The following NRXN1 variants were observed in gnomAD, a reference collection of about 807,000 sequenced individuals.
NRXN1 encodes neurexin 1.
Under a neutral mutation model 150.9 loss-of-function variants are expected in NRXN1, and 39 were observed. That is an observed-to-expected ratio of 0.26 (90% CI 0.20 to 0.34). NRXN1 has a LOEUF of 0.34. NRXN1 is among the 10% of genes least tolerant of loss of function. NRXN1 has a pLI of 1.00. For synonymous variants in NRXN1, 924 were observed against 757.0 expected (o/e 1.22, Z -3.62); for missense variants, 1,815 against 1,949.9 (o/e 0.93, Z 1.30).
At chr2:50,034,942 G>A (rs1044149233) in intron 21 of NRXN1, among the ~76,000 whole-genome samples, 1 of 151,986 alleles carries the variant, frequency 6.6e-6, no homozygotes, top group African/African-American at 2.4e-5. Flanking sequence ...TTCAAAACTT[G>A]AATTTATTAT....
At chr2:50,348,031 C>T (rs1405084031) in intron 17 of NRXN1, among the ~76,000 whole-genome samples, 1 of 152,180 alleles carries the variant, frequency 6.6e-6, no homozygotes, top group Admixed American at 6.5e-5. Context: ...GCAAATGGCA[C>T]CCTTCCCCTA....
At chr2:50,998,209 C>T (rs1699574484) in intron 2 of NRXN1, among the ~76,000 whole-genome samples, 1 of 141,244 alleles carries the variant, frequency 7.1e-6, no homozygotes. Flanking sequence ...CCCAAAACTT[C>T]AATAAGTTTA....
chr2:50,419,638 G>A (rs2083815102), intron 17 of NRXN1, among the ~76,000 whole-genome samples: 1 of 151,892 alleles, frequency 6.6e-6, no homozygotes, highest in Non-Finnish European at 1.5e-5. Flanking sequence ...CGGAGATAAA[G>A]AAAGTAGGCA....
At chr2:50,268,041 TC>T (rs2069108774) in intron 17 of NRXN1, among the ~76,000 whole-genome samples, 1 of 151,882 alleles carries the variant, frequency 6.6e-6, no homozygotes, top group Non-Finnish European at 1.5e-5. Context: ...ATACAAAAAA[TC>T]AGCTGGGTGT....
intron 17 of NRXN1, among the ~76,000 whole-genome samples, chr2:50,461,830 T>C (rs565192490): frequency 1.3e-5 from 2 of 152,080 alleles, no homozygotes; most frequent in Admixed American, 6.6e-5. Flanking sequence ...AAGGAAATTA[T>C]ATTTCTTCAA....
chr2:50,203,727 G>C (rs1456269649), intron 18 of NRXN1, among the ~76,000 whole-genome samples: 2 of 152,064 alleles, frequency 1.3e-5, no homozygotes, highest in African/African-American at 4.8e-5. Context: ...CCTATTATTT[G>C]TGTTATATTA....
At chr2:50,513,317 A>G (rs545557434) in intron 12 of NRXN1, among the ~76,000 whole-genome samples, 44 of 152,288 alleles carry the variant, frequency 2.9e-4, no homozygotes, top group Admixed American at 2.1e-3. Context: ...ACTATACACT[A>G]TATAAAAATG....
intron 20 of NRXN1, among the ~76,000 whole-genome samples, chr2:50,054,376 C>T (rs1693273547): frequency 6.6e-6 from 1 of 152,110 alleles, no homozygotes; most frequent in African/African-American, 2.4e-5. Context: ...AATTGAGTAT[C>T]CAGTTTTAGC....
At chr2:50,866,205 T>G (rs1051957361) in intron 5 of NRXN1, among the ~76,000 whole-genome samples, 5 of 151,894 alleles carry the variant, frequency 3.3e-5, no homozygotes, top group South Asian at 2.1e-4. Context: ...ATGTGAAGAG[T>G]TCCACCACAT....
intron 5 of NRXN1, among the ~76,000 whole-genome samples, chr2:50,762,035 A>G (rs897432903): frequency 2.0e-5 from 3 of 151,482 alleles, no homozygotes; most frequent in African/African-American, 7.3e-5. Context: ...CTTGCTCCTC[A>G]TCTTGCAGAA....
chr2:49,939,294 T>C (rs569764390), intron 22 of NRXN1, among the ~76,000 whole-genome samples: 9 of 152,302 alleles, frequency 5.9e-5, no homozygotes, highest in African/African-American at 1.9e-4. Flanking sequence ...AAAAATGTTA[T>C]CTATCTCTCA....
chr2:49,983,158 G>C (rs1680260660), intron 21 of NRXN1, among the ~76,000 whole-genome samples: 1 of 152,050 alleles, frequency 6.6e-6, no homozygotes, highest in East Asian at 1.9e-4. Flanking sequence ...AATACTATTT[G>C]GGACACTTAT....
chr2:50,996,403 T>C (rs192212456), intron 2 of NRXN1, among the ~76,000 whole-genome samples: 7 of 152,080 alleles, frequency 4.6e-5, no homozygotes, highest in Non-Finnish European at 8.8e-5. Context: ...CTTTATCATT[T>C]AGAGTAAGCA....
intron 19 of NRXN1, among the ~76,000 whole-genome samples, chr2:50,069,847 G>T (rs113198239): frequency 0.1 from 6,283 of 63,120 alleles, 212 homozygotes; most frequent in African/African-American, 0.17. Flanking sequence ...GATTTTGGGG[G>T]TTTTTTTTTT....
chr2:50,452,256 A>C (rs116064332), intron 17 of NRXN1, among the ~76,000 whole-genome samples: 164 of 152,334 alleles, frequency 1.1e-3, no homozygotes, highest in African/African-American at 3.6e-3. Flanking sequence ...GTCTTTGGCT[A>C]AAATACAGCT....
intron 21 of NRXN1, among the ~76,000 whole-genome samples, chr2:49,961,512 G>A (rs1675951781): frequency 6.6e-6 from 1 of 151,874 alleles, no homozygotes; most frequent in Non-Finnish European, 1.5e-5. Context: ...CTGTCAACTA[G>A]ATCTAAAAAG....
chr2:50,572,523 A>G (rs916891437), intron 8 of NRXN1, among the ~76,000 whole-genome samples: 5 of 152,156 alleles, frequency 3.3e-5, no homozygotes, highest in Non-Finnish European at 2.9e-5. Context: ...ATTATTTCCA[A>G]TATGTACCAG....
chr2:50,107,539 A>ATACATATATT (rs59921941), intron 18 of NRXN1, among the ~76,000 whole-genome samples: 3 of 129,884 alleles, frequency 2.3e-5, no homozygotes, highest in Admixed American at 8.1e-5. Flanking sequence ...ATATATATAT[A>ATACATATATT]TTTTTTTTTT....
intron 5 of NRXN1, among the ~76,000 whole-genome samples, chr2:50,862,394 T>A (rs1480330608): frequency 3.3e-5 from 5 of 152,110 alleles, no homozygotes; most frequent in East Asian, 1.9e-4. Flanking sequence ...GGTTCCTACA[T>A]CTTTTGAAGT....
Sources: allele counts gnomAD v4.1 joint callset (sites outside exome capture counted in the v4.1 genomes callset), GRCh38; gene constraint gnomAD v4.1.1; transcripts MANE v1.5; gene names NCBI Gene and HGNC (gene_info 2026-07-23, HGNC 2026-07-21).